ITPKB: variants seen among roughly 807,000 people sequenced by gnomAD.
ITPKB encodes inositol-trisphosphate 3-kinase B.
ITPKB carries 13 observed loss-of-function variants against 69.4 expected under a neutral mutation model. The ratio of observed to expected loss-of-function variants is 0.19; its 90% CI spans 0.12 to 0.30. ITPKB has a LOEUF of 0.30. Among genes scored for constraint, ITPKB ranks in the 10% least tolerant of loss-of-function variants. The pLI, the probability that ITPKB is intolerant of heterozygous loss-of-function variation, is 1.00. For missense variants in ITPKB, 1,240 were observed against 1,250.5 expected, an observed-to-expected ratio of 0.99 and a Z score of 0.13; for synonymous variants, 584 against 513.7, an observed-to-expected ratio of 1.14 and a Z score of -1.85.
At chr1:226,658,406 A>G (rs1669337066) in intron 2 of ITPKB, among the ~76,000 whole-genome samples, 1 of 152,184 alleles carries the variant, frequency 6.6e-6, no homozygotes, top group African/African-American at 2.4e-5. Flanking sequence ...CCAAAAGCGA[A>G]ACCTGCCCCT....
Position 226,642,099 on chromosome 1 carries a change from T to C in ITPKB, c.2273A>G (p.Lys758Arg). Residue 758 changes from lysine to arginine, a missense_variant, in exon 5 of 8, where the codon AAG (lysine) becomes AGG (arginine). Transcript: ENST00000429204. The surrounding 1 kb of genome is among the most constrained non-coding windows in gnomAD (Gnocchi z 6.4). ...CCGCAGGCTGGGCTTCTTCCGGGCCTTCGTGAGCTCCTCCTCCAGGTAGGT... is the reference window on the plus strand; with the variant it reads ...CCGCAGGCTGGGCTTCTTCCGGGCCCTCGTGAGCTCCTCCTCCAGGTAGGT... The part of the protein sequence containing the change: ...IRTYLEEELT[K>R]ARKKPSLRKD... 1 of 1,613,970 alleles carries C rather than the reference T, an allele frequency of 6.2e-7. No individual in the cohort carries two copies. The highest frequency in any genetic ancestry group is 1.1e-5 in the South Asian group (1 of 91,072).
chr1:226,665,576 TGAG>T lies in ITPKB; in HGVS notation c.1933-16808_1933-16806del. Among the ~76,000 whole-genome samples, 2 of 152,004 alleles carry T rather than the reference TGAG, an allele frequency of 1.3e-5. 1 individual carries two copies. Among genetic ancestry groups the T allele is most frequent in the Non-Finnish European group, 2.9e-5 (2 of 67,966 alleles). On this transcript the variant is annotated intron_variant, in intron 2 of 7. Coordinates refer to ENST00000429204, the MANE Select transcript of ITPKB (RefSeq NM_002221.4). ...GACAAAACGGGCCTCTCTGATGAGA[TGAG>T]TAGCGGAGGAAACGACAGATCACAC...
At chr1:226,656,774 C>T (rs1371894442) in intron 2 of ITPKB, 1 of 152,240 alleles carries the variant, frequency 6.6e-6, no homozygotes, top group Admixed American at 6.5e-5. Context: ...CCAGCTGCAG[C>T]ATGGGCAAAC....
intron 2 of ITPKB, chr1:226,707,609 A>T: frequency 1.0e-6 from 1 of 988,202 alleles, no homozygotes; most frequent in South Asian, 4.7e-5. Flanking sequence ...TGGGGGCTCA[A>T]TGGGGATAAA....
At chr1:226,647,948 T>C (rs925111611) in intron 3 of ITPKB, among the ~76,000 whole-genome samples, 2 of 152,194 alleles carry the variant, frequency 1.3e-5, no homozygotes, top group Non-Finnish European at 2.9e-5. Context: ...GTAAGCGAAA[T>C]GCGGGACCTT....
chr1:226,717,541 C>T (rs979439160), intron 2 of ITPKB, among the ~76,000 whole-genome samples: 7 of 152,128 alleles, frequency 4.6e-5, no homozygotes, highest in African/African-American at 1.7e-4. Context: ...TCGGAGGCGC[C>T]CAGAGGGAGG....
chr1:226,644,947 G>T (rs1669034155), intron 4 of ITPKB, among the ~76,000 whole-genome samples: 1 of 152,232 alleles, frequency 6.6e-6, no homozygotes, highest in Admixed American at 6.5e-5. Flanking sequence ...AAATGCCATG[G>T]AAGCTGGGTC....
At chr1:226,639,278 A>C (rs951258705) in intron 6 of ITPKB, among the ~76,000 whole-genome samples, 2 of 152,050 alleles carry the variant, frequency 1.3e-5, no homozygotes, top group Non-Finnish European at 2.9e-5. Context: ...GGCTGGTCTC[A>C]AACTTCTGAC....
chr1:226,662,208 G>A (rs1229086026), intron 2 of ITPKB, among the ~76,000 whole-genome samples: 2 of 152,212 alleles, frequency 1.3e-5, no homozygotes, highest in Admixed American at 6.5e-5. Context: ...GACACAGGCA[G>A]CTCTGCCAGG....
At chr1:226,721,439 C>T (rs570153923) in intron 2 of ITPKB, among the ~76,000 whole-genome samples, 7 of 151,756 alleles carry the variant, frequency 4.6e-5, no homozygotes, top group South Asian at 4.2e-4. Flanking sequence ...TTTTAAATAC[C>T]TTTATGGGGA....
chr1:226,684,527 A>C (rs572369730), intron 2 of ITPKB, among the ~76,000 whole-genome samples: 1 of 152,264 alleles, frequency 6.6e-6, no homozygotes, highest in South Asian at 2.1e-4. Context: ...GAGGCAGTAC[A>C]TACAAACCTG....
intron 2 of ITPKB, among the ~76,000 whole-genome samples, chr1:226,651,299 G>A (rs2102748822): frequency 6.6e-6 from 1 of 152,326 alleles, no homozygotes; most frequent in South Asian, 2.1e-4. Context: ...CGTTGAGGCA[G>A]GCCAACCTGG....
rs1199259834 is a variant in ITPKB, at chr1:226,642,295, C to T, written c.2247-170G>A. Among the ~76,000 whole-genome samples, 1 of 152,040 alleles carries T rather than the reference C, an allele frequency of 6.6e-6. No individual in the cohort carries two copies. Among genetic ancestry groups the T allele is most frequent in the Admixed American group, 6.5e-5 (1 of 15,278 alleles). The stretch of plus-strand genomic sequence containing the variant: ...TTCCGAGGGGACGGCAGACTCTGTT[C>T]CAGCTGGGGCTGGCTCTAATTTTTC... On this transcript the variant is annotated intron_variant, in intron 4 of 7. Transcript: ENST00000429204. The surrounding 1 kb of genome is among the most constrained non-coding windows in gnomAD (Gnocchi z 6.4).
chr1:226,648,848 G>T, intron 2 of ITPKB, 77 bp from the exon 3 acceptor site: 1 of 1,011,498 alleles, frequency 9.9e-7, no homozygotes, highest in Non-Finnish European at 1.6e-6. Flanking sequence ...TCAAAGCAAA[G>T]GCCCTCATTG....
chr1:226,723,736 AC>A (rs1657314605), intron 2 of ITPKB, among the ~76,000 whole-genome samples: 1 of 152,034 alleles, frequency 6.6e-6, no homozygotes, highest in South Asian at 2.1e-4. Flanking sequence ...TGTCTGGATG[AC>A]CTCAGCCAGT....
chr1:226,673,663 T>C (rs1040880311), intron 2 of ITPKB, among the ~76,000 whole-genome samples: 1 of 152,222 alleles, frequency 6.6e-6, no homozygotes, highest in Non-Finnish European at 1.5e-5. Context: ...AGATAAATAG[T>C]GTAGATATTG....
intron 2 of ITPKB, among the ~76,000 whole-genome samples, chr1:226,656,345 T>C (rs569310137): frequency 1.1e-4 from 17 of 152,304 alleles, no homozygotes; most frequent in African/African-American, 4.1e-4. Flanking sequence ...TGGGAGGGGC[T>C]GCACTTGCCC....
In ITPKB at chr1:226,642,216, CGT is replaced by C; in HGVS notation, c.2247-93_2247-92del. On this transcript the variant is annotated intron_variant, in intron 4 of 7. Transcript: ENST00000429204. The surrounding 1 kb of genome is among the most constrained non-coding windows in gnomAD (Gnocchi z 6.4). ...CTGCCTGGTGGATGAAGGTTTGGGG[CGT>C]GTGTTGCCCAACAGCTGCAGTCAGC... is the stretch of plus-strand genomic sequence containing the variant. 4 of 1,066,264 alleles carry C rather than the reference CGT, an allele frequency of 3.8e-6. No homozygotes were observed. The highest frequency in any genetic ancestry group is 5.5e-6 in the Non-Finnish European group (4 of 724,706). 66.1% of individuals were successfully genotyped at this position (1,066,264 alleles called of 1,614,324 possible).
rs748547381 is a variant in ITPKB, at chr1:226,647,289, C to G, written c.2124G>C (p.Leu708=). 4 of 1,614,076 alleles carry G rather than the reference C, an allele frequency of 2.5e-6. No homozygotes were observed. Among genetic ancestry groups the G allele is most frequent in the Non-Finnish European group, 3.4e-6 (4 of 1,180,018 alleles). ...CATGGTAGGCAGGTACGAAGGGCCT[C>G]AGCACATCCACCATCAGCCGGTCCA... The part of the protein sequence containing the change: ...RCLDRLMVDV[L]RPFVPAYHGD... The change falls in exon 4 of 8, where the codon CTG becomes CTC. Residue 708 remains leucine, a synonymous_variant. Transcript: ENST00000429204.
Sources: gnomAD v4.1 joint callset for allele counts (sites outside exome capture counted in the v4.1 genomes callset) on GRCh38, gnomAD v4.1.1 for gene constraint, Gnocchi (gnomAD v3.1) non-coding constraint, MANE v1.5 for transcripts, NCBI Gene and HGNC (gene_info 2026-07-23, HGNC 2026-07-21) for gene names.